The following CERS1 variants were observed in gnomAD, a reference collection of about 807,000 sequenced individuals.
CERS1 encodes the protein ceramide synthase 1, also known as Embryonic growth/differentiation factor 1.
Under a neutral mutation model 35.7 loss-of-function variants are expected in CERS1, and 16 were observed. That is an observed-to-expected ratio of 0.45 (90% CI 0.30 to 0.68). The LOEUF (loss-of-function observed/expected upper bound fraction) is 0.68, where lower values mean the gene tolerates loss of function less well. CERS1 is among the 30% of genes least tolerant of loss of function. CERS1 has a pLI of 0.08. For synonymous variants in CERS1, 243 were observed against 201.6 expected (o/e 1.21, Z -1.74); for missense variants, 454 against 453.9 (o/e 1.00, Z 0.00).
At chr19:18,888,489 GC>G (rs2056413260) in intron 2 of CERS1, among the ~76,000 whole-genome samples, 1 of 132,042 alleles carries the variant, frequency 7.6e-6, no homozygotes, top group Non-Finnish European at 1.5e-5. Context: ...CCACACTCCA[GC>G]CTGGGCGACA....
Position 18,893,561 on chromosome 19 carries a change from C to A in CERS1, c.264G>T (p.Arg88=), listed in dbSNP as rs377215717. 1.1e-5 allele frequency: 17 copies of A among 1,609,196 alleles called. No homozygotes were observed. The highest frequency in any genetic ancestry group is 2.2e-5 in the East Asian group (1 of 44,732). Residue 88 remains arginine, a synonymous_variant, in exon 2 of 8, where the codon CGG becomes CGT. Coordinates refer to ENST00000623882, the MANE Select transcript of CERS1 (RefSeq NM_021267.5). ...TARLFRPLAK[R]CCLQPRDAAK... ...CGGCATCTCTGGGCTGGAGGCAGCA[C>A]CGCTTCGCCAGGGGCTATGGGGGAG...
chr19:18,890,776 G>C (rs995641171), intron 2 of CERS1, among the ~76,000 whole-genome samples: 1 of 121,918 alleles, frequency 8.2e-6, no homozygotes, highest in African/African-American at 2.9e-5. Context: ...GTAAGACCGC[G>C]TCTGGGGAAA....
intron 2 of CERS1, among the ~76,000 whole-genome samples, chr19:18,886,548 C>G (rs548187431): frequency 2.0e-5 from 3 of 152,212 alleles, no homozygotes; most frequent in African/African-American, 7.2e-5. Flanking sequence ...CAGCCAGACC[C>G]TGTCTCAAAA....
At chr19:18,887,384 G>T (rs749689255) in intron 2 of CERS1, among the ~76,000 whole-genome samples, 2 of 152,144 alleles carry the variant, frequency 1.3e-5, no homozygotes, top group Non-Finnish European at 2.9e-5. Flanking sequence ...AATGGGACGG[G>T]GTTTCCTTTT....
chr19:18,885,513 T>TTTTTG (rs1318718639), intron 2 of CERS1, among the ~76,000 whole-genome samples: 4 of 26,022 alleles, frequency 1.5e-4, no homozygotes, highest in South Asian at 1.5e-3. Context: ...CCCTTCTCGT[T>TTTTTG]TTTTTTTTTT....
At chr19:18,888,540 A>C (rs910751895) in intron 2 of CERS1, among the ~76,000 whole-genome samples, 5 of 149,948 alleles carry the variant, frequency 3.3e-5, no homozygotes, top group East Asian at 2.0e-4. Context: ...AAAAAAAAAA[A>C]AAAAAACAGG....
intron 2 of CERS1, among the ~76,000 whole-genome samples, chr19:18,886,171 C>G (rs552806501): frequency 2.0e-5 from 3 of 150,846 alleles, no homozygotes; most frequent in South Asian, 4.1e-4. Context: ...TTTGAGAGGC[C>G]GAGGCAGGAG....
rs932283451 is a variant in CERS1, at chr19:18,870,832, C to CCCCTGGCA, written c.1011-221_1011-214dup. Among the ~76,000 whole-genome samples, 2 of 152,120 alleles carry CCCCTGGCA rather than the reference C, an allele frequency of 1.3e-5. No individual in the cohort carries two copies. Among genetic ancestry groups the CCCCTGGCA allele is most frequent in the Non-Finnish European group, 2.9e-5 (2 of 68,010 alleles). ...ACCTGCCCCGTAGGCACGTATGTCC[C>CCCCTGGCA]CCCTGGCACCCTGGCACTTCCTCCT... On this transcript the variant is annotated intron_variant, in intron 6 of 7. Transcript: ENST00000623882. This position sits in a 1 kb window ranked among gnomAD's most constrained non-coding sequence, Gnocchi z 5.1.
chr19:18,869,550 G>A (rs1409298187), intron 7 of CERS1, among the ~76,000 whole-genome samples, 160 bp from the exon 8 acceptor site: 1 of 146,776 alleles, frequency 6.8e-6, no homozygotes, highest in Non-Finnish European at 1.5e-5. Flanking sequence ...TGGGGGCAGG[G>A]CATGAGTTCC....
chr19:18,885,983 C>T (rs1302981501), intron 2 of CERS1, among the ~76,000 whole-genome samples: 1 of 152,200 alleles, frequency 6.6e-6, no homozygotes, highest in Non-Finnish European at 1.5e-5. Context: ...CTCACCTTCC[C>T]CTCCTCCTGC....
At chr19:18,889,948 T>C (rs1349387852) in intron 2 of CERS1, among the ~76,000 whole-genome samples, 4 of 152,138 alleles carry the variant, frequency 2.6e-5, no homozygotes, top group Admixed American at 6.5e-5. Context: ...ATTGGCCACT[T>C]TGCTCCCATC....
chr19:18,886,482 G>C (rs1014274562), intron 2 of CERS1, among the ~76,000 whole-genome samples: 2 of 152,122 alleles, frequency 1.3e-5, no homozygotes, highest in Non-Finnish European at 2.9e-5. Flanking sequence ...CCTGAAGGGA[G>C]GCAGAGGTGG....
chr19:18,879,822 C>T (rs970011310), intron 4 of CERS1, among the ~76,000 whole-genome samples: 1 of 150,480 alleles, frequency 6.6e-6, no homozygotes, highest in African/African-American at 2.5e-5. Context: ...CTCACCAAGC[C>T]CCCACCTCCT....
At position 18,870,793 on chromosome 19, in the gene CERS1, C is replaced by T. The variant is rs1378190302; in HGVS notation, c.1011-174G>A. Among the ~76,000 whole-genome samples, 1 of 152,164 alleles carries T rather than the reference C, an allele frequency of 6.6e-6. No individual in the cohort carries two copies. The highest frequency in any genetic ancestry group is 1.9e-4 in the East Asian group (1 of 5,190). The stretch of plus-strand genomic sequence containing the variant: ...CACCCTGCCCCTCCTTGCCTTCACC[C>T]TGCCCCTCCTTCAACCTGCCCCGTA... On this transcript the variant is annotated intron_variant, in intron 6 of 7. Transcript: ENST00000623882. The surrounding 1 kb of genome is among the most constrained non-coding windows in gnomAD (Gnocchi z 5.1).
chr19:18,885,513 T>G (rs367911992), intron 2 of CERS1, among the ~76,000 whole-genome samples: 225 of 25,970 alleles, frequency 8.7e-3, no homozygotes, highest in Middle Eastern at 0.058. Context: ...CCCTTCTCGT[T>G]TTTTTTTTTT....
At chr19:18,872,794 C>T (rs921176864) in intron 6 of CERS1, among the ~76,000 whole-genome samples, 58 of 150,962 alleles carry the variant, frequency 3.8e-4, no homozygotes, top group African/African-American at 1.2e-3. Context: ...GGATTACAGG[C>T]GTGAGCGCCG....
In CERS1 at chr19:18,880,346, G is replaced by T; in HGVS notation, c.680C>A (p.Ser227Tyr). The change falls in exon 4 of 8, where the codon TCC (serine) becomes TAC (tyrosine). Residue 227 changes from serine to tyrosine, a missense_variant. Ser to Tyr is a moderately radical substitution (Grantham distance 144, BLOSUM62 -2). Transcript: ENST00000623882. The stretch of plus-strand genomic sequence containing the variant: ...CAGCCGATGGTAGGAGCCGCCGCGG[G>T]ACTTGAAGTAAATGTTGAGCTTGGT... Reference protein sequence around the residue: ...EFTKLNIYFKSRGGSYHRLHA... With the variant: ...EFTKLNIYFKYRGGSYHRLHA... 1 of 1,562,842 alleles carries T rather than the reference G, an allele frequency of 6.4e-7. No individual in the cohort carries two copies. Among genetic ancestry groups the T allele is most frequent in the Non-Finnish European group, 8.7e-7 (1 of 1,153,740 alleles).
intron 2 of CERS1, among the ~76,000 whole-genome samples, chr19:18,890,662 T>G (rs2056466958): frequency 6.6e-6 from 1 of 150,676 alleles, no homozygotes. Flanking sequence ...ACACCTGTGG[T>G]CCCAGCTACT....
rs915382517 is a variant in CERS1, at chr19:18,893,665, C to G, written c.250-90G>C. On this transcript the variant is annotated intron_variant, in intron 1 of 7. Transcript: ENST00000623882. The stretch of plus-strand genomic sequence containing the variant: ...GGGGAAACTGAGGCCCAGGGACTCC[C>G]CAGGCCGGGCAGCACTGGGAAGGCC... 51 of 1,346,884 alleles carry G rather than the reference C, an allele frequency of 3.8e-5. 1 individual carries two copies. Among genetic ancestry groups the G allele is most frequent in the Middle Eastern group, 2.5e-4 (1 of 3,956 alleles). The allele number at this position is 1,346,884 out of a possible 1,614,324, so 83.4% of individuals were successfully genotyped here.
Sources: allele counts gnomAD v4.1 joint callset (sites outside exome capture counted in the v4.1 genomes callset), GRCh38; gene constraint gnomAD v4.1.1; non-coding constraint Gnocchi (gnomAD v3.1); transcripts MANE v1.5; gene names NCBI Gene and HGNC (gene_info 2026-07-23, HGNC 2026-07-21).